The following PLCZ1 variants were observed in gnomAD, a reference collection of about 807,000 sequenced individuals.
The protein encoded by PLCZ1 is 1-phosphatidylinositol 4,5-bisphosphate phosphodiesterase zeta-1.
A neutral mutation model predicts 76.8 loss-of-function variants in PLCZ1; 64 were observed. That is an observed-to-expected ratio of 0.83 (90% CI 0.68 to 1.03). The LOEUF is 1.03. Among genes scored for constraint, PLCZ1 ranks in the 50% least tolerant of loss-of-function variants. PLCZ1 has a pLI of 0.00. For missense variants in PLCZ1, 751 were observed against 713.7 expected, an observed-to-expected ratio of 1.05 and a Z score of -0.60; for synonymous variants, 248 against 230.8, an observed-to-expected ratio of 1.07 and a Z score of -0.68.
chr12:18,683,676 A>G, intron 14 of PLCZ1: 1 of 1,250,692 alleles, frequency 8.0e-7, no homozygotes. Flanking sequence ...TTGGGAGCAC[A>G]GTGTAAATCA....
the PLCZ1 span, among the ~76,000 whole-genome samples, chr12:18,656,673 A>T: frequency 6.6e-6 from 1 of 151,894 alleles, no homozygotes; most frequent in East Asian, 1.9e-4. Context: ...AGTTCAAGTT[A>T]GCAGTGAGCT....
chr12:18,721,072 T>C (rs572832459), intron 4 of PLCZ1, among the ~76,000 whole-genome samples: 1 of 152,118 alleles, frequency 6.6e-6, no homozygotes, highest in African/African-American at 2.4e-5. Flanking sequence ...AAATGAATCA[T>C]GCATTGTAAC....
At chr12:18,732,342 G>A (rs896992437) in intron 3 of PLCZ1, among the ~76,000 whole-genome samples, 4 of 152,018 alleles carry the variant, frequency 2.6e-5, no homozygotes, top group Admixed American at 6.6e-5. Flanking sequence ...TTGTAGACAC[G>A]AGTTTCACCA....
In PLCZ1 at chr12:18,723,540, G is replaced by A; in HGVS notation, c.138C>T (p.Asp46=). ...TTCTTCCTTGTTTCAGCCTGTCATT[G>A]TCCTACTAAAAAAATGACTGGTGGG... ...SYIHVKQIFK[D]NDRLKQGRIT... Residue 46 remains aspartate, a splice_region_variant and synonymous_variant, in exon 4 of 15, where the codon GAC becomes GAT. Coordinates refer to ENST00000266505, the MANE Select transcript of PLCZ1 (RefSeq NM_033123.4). 6.2e-7 allele frequency: 1 copy of A among 1,609,682 alleles called. No individual in the cohort carries two copies. The highest frequency in any genetic ancestry group is 8.5e-7 in the Non-Finnish European group (1 of 1,177,506).
At chr12:18,671,680 TGGAAA>T in the PLCZ1 span, among the ~76,000 whole-genome samples, 1 of 152,152 alleles carries the variant, frequency 6.6e-6, no homozygotes, top group African/African-American at 2.4e-5. Context: ...AGACAATTTA[TGGAAA>T]GGAAAGGCTC....
the PLCZ1 span, among the ~76,000 whole-genome samples, chr12:18,668,211 T>C: frequency 6.6e-6 from 1 of 152,166 alleles, no homozygotes; most frequent in African/African-American, 2.4e-5. Flanking sequence ...TAACATCCCC[T>C]ACAGAATATC....
chr12:18,718,799 T>G (rs1330992386), intron 5 of PLCZ1, among the ~76,000 whole-genome samples: 1 of 152,230 alleles, frequency 6.6e-6, no homozygotes, highest in Non-Finnish European at 1.5e-5. Context: ...TATCTGCTTG[T>G]ACACAGATAA....
chr12:18,722,101 A>G (rs973068434), intron 4 of PLCZ1, among the ~76,000 whole-genome samples: 1 of 152,018 alleles, frequency 6.6e-6, no homozygotes, highest in Admixed American at 6.6e-5. Context: ...ATTTTGTCAT[A>G]TAACTTGTCC....
chr12:18,674,125 T>C, the PLCZ1 span, among the ~76,000 whole-genome samples: 1 of 152,168 alleles, frequency 6.6e-6, no homozygotes, highest in Admixed American at 6.5e-5. Context: ...ACAAAGAATA[T>C]TAGAGGGAAA....
chr12:18,725,167 G>A (rs1958678787), intron 3 of PLCZ1, among the ~76,000 whole-genome samples: 1 of 152,140 alleles, frequency 6.6e-6, no homozygotes, highest in Non-Finnish European at 1.5e-5. Context: ...AGTGAGAGTT[G>A]TATCACTGAA....
At chr12:18,679,374 G>C (rs1952220830), downstream of PLCZ1, among the ~76,000 whole-genome samples, 1 of 151,860 alleles carries the variant, frequency 6.6e-6, no homozygotes, top group East Asian at 1.9e-4. Context: ...CTTATCCCAA[G>C]ACTACAAAGA....
the PLCZ1 span, among the ~76,000 whole-genome samples, chr12:18,655,973 G>C: frequency 2.6e-3 from 392 of 152,218 alleles, 2 homozygotes; most frequent in African/African-American, 9.0e-3. Flanking sequence ...TAGGTAAAAA[G>C]TAAGTAAATT....
At chr12:18,694,856 C>T in intron 12 of PLCZ1, 54 bp downstream of exon 12, 1 of 1,329,566 alleles carries the variant, frequency 7.5e-7, no homozygotes, top group Admixed American at 2.1e-5. Context: ...CTAATGTACA[C>T]TATCTAGTTT....
chr12:18,729,429 T>TC (rs1308874043), intron 3 of PLCZ1, among the ~76,000 whole-genome samples: 8 of 152,074 alleles, frequency 5.3e-5, no homozygotes, highest in Non-Finnish European at 1.0e-4. Flanking sequence ...ATTTCTGCAT[T>TC]CCTTTTTCTG....
intron 3 of PLCZ1, among the ~76,000 whole-genome samples, chr12:18,732,182 CTCTT>C (rs1408230099): frequency 1.3e-5 from 2 of 152,092 alleles, no homozygotes; most frequent in East Asian, 3.9e-4. Flanking sequence ...CACAGGGTCT[CTCTT>C]TGTCACCCAG....
intron 12 of PLCZ1, among the ~76,000 whole-genome samples, chr12:18,694,412 G>A (rs890083770): frequency 6.6e-6 from 1 of 152,132 alleles, no homozygotes; most frequent in Non-Finnish European, 1.5e-5. Flanking sequence ...AGATACTGGA[G>A]AAAGACATAT....
the PLCZ1 span, among the ~76,000 whole-genome samples, chr12:18,661,016 C>A: frequency 6.6e-6 from 1 of 151,880 alleles, no homozygotes; most frequent in South Asian, 2.1e-4. Flanking sequence ...CAACTGAAGA[C>A]AAAAATTCAC....
chr12:18,693,223 C>T (rs776690017), intron 12 of PLCZ1: 20 of 1,567,192 alleles, frequency 1.3e-5, no homozygotes, highest in Admixed American at 6.7e-5. Context: ...CCTGGCTGCT[C>T]GGTCAGGCTC....
At chr12:18,674,365 T>G in the PLCZ1 span, among the ~76,000 whole-genome samples, 1 of 151,732 alleles carries the variant, frequency 6.6e-6, no homozygotes, top group East Asian at 1.9e-4. Flanking sequence ...TATGTTTGTT[T>G]TACATGTCTG....
Sources: gnomAD v4.1 joint callset for allele counts (sites outside exome capture counted in the v4.1 genomes callset) on GRCh38, gnomAD v4.1.1 for gene constraint, MANE v1.5 for transcripts, NCBI Gene and HGNC (gene_info 2026-07-23, HGNC 2026-07-21) for gene names.